Variants in NELL1 observed in about 807,000 individuals in gnomAD.
NELL1 encodes the protein neural EGFL like 1.
NELL1 carries 76 observed loss-of-function variants against 107.4 expected under a neutral mutation model. That is an observed-to-expected ratio of 0.71 (90% CI 0.59 to 0.86). NELL1 has a LOEUF of 0.86. Among genes scored for constraint, NELL1 ranks in the 40% least tolerant of loss-of-function variants. The pLI is 0.00. For missense variants in NELL1, 1,024 were observed against 1,005.5 expected (o/e 1.02, Z -0.25); for synonymous variants, 353 against 341.2 (o/e 1.03, Z -0.38).
At chr11:21,358,460 C>T (rs1025143879) in intron 14 of NELL1, among the ~76,000 whole-genome samples, 6 of 151,634 alleles carry the variant, frequency 4.0e-5, no homozygotes, top group African/African-American at 1.5e-4. Context: ...AGTGCAGTGG[C>T]ATGATCTCCG....
intron 13 of NELL1, among the ~76,000 whole-genome samples, chr11:21,141,311 G>GC (rs1855862024): frequency 6.6e-6 from 1 of 152,188 alleles, no homozygotes; most frequent in Non-Finnish European, 1.5e-5. Context: ...GACACAATCT[G>GC]AAGCAAGCCA....
At chr11:21,100,943 C>T (rs1308800745) in intron 12 of NELL1, among the ~76,000 whole-genome samples, 1 of 151,862 alleles carries the variant, frequency 6.6e-6, no homozygotes, top group Admixed American at 6.6e-5. Flanking sequence ...CACCCAGTAA[C>T]TTGTTATTTA....
chr11:21,309,279 TGTATATATA>T (rs1241487841), intron 14 of NELL1, among the ~76,000 whole-genome samples: 20 of 16,562 alleles, frequency 1.2e-3, no homozygotes, highest in Non-Finnish European at 1.9e-3. Context: ...TATATATATA[TGTATATATA>T]TATATATATA....
chr11:20,913,174 G>T (rs1343963657), intron 5 of NELL1, among the ~76,000 whole-genome samples: 3 of 152,062 alleles, frequency 2.0e-5, no homozygotes, highest in African/African-American at 7.2e-5. Flanking sequence ...TTGAGTCCCT[G>T]CCAGTTTATA....
chr11:21,012,363 A>G (rs1852466340), intron 12 of NELL1, among the ~76,000 whole-genome samples: 1 of 151,560 alleles, frequency 6.6e-6, no homozygotes, highest in Admixed American at 6.6e-5. Flanking sequence ...TTCTTTCATG[A>G]CCTCCCTTTC....
intron 2 of NELL1, among the ~76,000 whole-genome samples, chr11:20,745,325 T>C (rs567218716): frequency 6.6e-5 from 10 of 152,270 alleles, no homozygotes; most frequent in Admixed American, 1.3e-4. Context: ...CCACACATGG[T>C]AGAATTAACC....
intron 15 of NELL1, among the ~76,000 whole-genome samples, chr11:21,529,396 T>C (rs1360532787): frequency 2.0e-5 from 3 of 152,182 alleles, no homozygotes; most frequent in African/African-American, 4.8e-5. Context: ...AAACAAGAGA[T>C]AGAAGAACTA....
At chr11:20,849,814 T>A (rs778863007) in intron 4 of NELL1, among the ~76,000 whole-genome samples, 27 of 152,188 alleles carry the variant, frequency 1.8e-4, no homozygotes, top group Non-Finnish European at 3.4e-4. Context: ...GAAACATGGT[T>A]CCAAAATCTG....
intron 3 of NELL1, among the ~76,000 whole-genome samples, chr11:20,810,481 C>T (rs1590316061): frequency 6.6e-6 from 1 of 152,316 alleles, no homozygotes; most frequent in Middle Eastern, 3.4e-3. Context: ...TTTGGTTTTC[C>T]ATTCTGAGTT....
intron 13 of NELL1, among the ~76,000 whole-genome samples, chr11:21,153,473 G>A (rs1052851320): frequency 2.6e-5 from 4 of 152,124 alleles, no homozygotes; most frequent in African/African-American, 9.7e-5. Flanking sequence ...CTGTGTAACA[G>A]GCACTGTACT....
intron 11 of NELL1, among the ~76,000 whole-genome samples, chr11:20,958,877 G>A (rs985914849): frequency 2.0e-5 from 3 of 152,130 alleles, no homozygotes; most frequent in African/African-American, 7.2e-5. Context: ...TCCATCCATG[G>A]TATAGGCATA....
chr11:21,379,827 A>G (rs1851568538), intron 15 of NELL1, among the ~76,000 whole-genome samples: 1 of 152,080 alleles, frequency 6.6e-6, no homozygotes, highest in South Asian at 2.1e-4. Context: ...TCAGAAACAA[A>G]GACTTCTGTG....
intron 3 of NELL1, among the ~76,000 whole-genome samples, chr11:20,841,319 G>GTTTTT (rs397772940): frequency 1.3e-4 from 16 of 123,530 alleles, no homozygotes; most frequent in Middle Eastern, 3.9e-3. Flanking sequence ...CTCTGCTCAT[G>GTTTTT]TTTTTTTTTT....
At chr11:21,380,520 C>T (rs1285111892) in intron 15 of NELL1, among the ~76,000 whole-genome samples, 2 of 151,982 alleles carry the variant, frequency 1.3e-5, no homozygotes, top group African/African-American at 2.4e-5. Flanking sequence ...TCAGTAACCC[C>T]TTTCATCTCT....
chr11:21,296,937 C>A (rs1849387739), intron 14 of NELL1, among the ~76,000 whole-genome samples: 1 of 151,182 alleles, frequency 6.6e-6, no homozygotes, highest in Non-Finnish European at 1.5e-5. Flanking sequence ...ACCCATAAAT[C>A]AAATATTATA....
rs1010078753 is a variant in NELL1 at position 21,425,065 on chromosome 11, A to G, written c.1645+54117A>G. Among the ~76,000 whole-genome samples, 7 of 152,198 alleles carry G rather than the reference A, an allele frequency of 4.6e-5. No individual in the cohort carries two copies. In the South Asian group the frequency reaches 8.3e-4, roughly 18 times the overall value. On this transcript the variant is annotated intron_variant, in intron 15 of 19. Transcript: ENST00000357134. ...ACTAGCAAAATTAATTCAAAAGCCTATTAAAAGGATTATATAACATGACCA... is the reference window on the plus strand; with the variant it reads ...ACTAGCAAAATTAATTCAAAAGCCTGTTAAAAGGATTATATAACATGACCA...
intron 15 of NELL1, among the ~76,000 whole-genome samples, chr11:21,469,809 G>C (rs1854127491): frequency 6.6e-6 from 1 of 152,040 alleles, no homozygotes; most frequent in South Asian, 2.1e-4. Flanking sequence ...GTGGGTTGTA[G>C]TATCTTGAAT....
intron 4 of NELL1, among the ~76,000 whole-genome samples, chr11:20,872,694 G>GTC (rs1364764764): frequency 1.3e-5 from 2 of 151,560 alleles, no homozygotes; most frequent in South Asian, 4.2e-4. Context: ...GTGTGTGTGT[G>GTC]TGTGTGTGTG....
intron 2 of NELL1, among the ~76,000 whole-genome samples, chr11:20,732,205 C>T (rs576221266): frequency 1.3e-5 from 2 of 152,238 alleles, no homozygotes; most frequent in South Asian, 4.2e-4. Flanking sequence ...CTTGCTACCA[C>T]CTGAGACCTA....
Sources: gnomAD v4.1 joint callset for allele counts (sites outside exome capture counted in the v4.1 genomes callset) on GRCh38, gnomAD v4.1.1 for gene constraint, MANE v1.5 for transcripts, NCBI Gene and HGNC (gene_info 2026-07-23, HGNC 2026-07-21) for gene names.